The following OSBP2 variants were observed in gnomAD, a reference collection of about 807,000 sequenced individuals.
The protein encoded by OSBP2 is oxysterol binding protein 2.
Under a neutral mutation model 96.0 loss-of-function variants are expected in OSBP2, and 66 were observed. The observed-to-expected ratio is 0.69, with a 90% CI of 0.56 to 0.84. OSBP2 has a LOEUF of 0.84. Ranked by LOEUF, OSBP2 falls within the 40% of genes least tolerant of loss-of-function variation. The pLI is 0.00. For synonymous variants in OSBP2, 525 were observed against 520.9 expected (o/e 1.01, Z -0.11); for missense variants, 1,038 against 1,222.7 (o/e 0.85, Z 2.25).
intron 2 of OSBP2, among the ~76,000 whole-genome samples, chr22:30,808,483 G>C (rs1419089528): frequency 6.6e-6 from 1 of 152,166 alleles, no homozygotes; most frequent in Non-Finnish European, 1.5e-5. Flanking sequence ...TTCTGGCCTG[G>C]GTGATAGAGT....
chr22:30,769,842 T>TAC (rs2090324838), intron 2 of OSBP2, among the ~76,000 whole-genome samples: 1 of 152,076 alleles, frequency 6.6e-6, no homozygotes, highest in South Asian at 2.1e-4. Context: ...ACACTGGATA[T>TAC]ACCTCCATAG....
chr22:30,830,876 A>G (rs1372901775), intron 2 of OSBP2, among the ~76,000 whole-genome samples: 2 of 110,278 alleles, frequency 1.8e-5, no homozygotes, highest in Admixed American at 8.9e-5. Context: ...TTTTAATATC[A>G]TTGAGATCCA....
chr22:30,826,912 T>G (rs984470838), intron 2 of OSBP2, among the ~76,000 whole-genome samples: 1 of 152,144 alleles, frequency 6.6e-6, no homozygotes, highest in Non-Finnish European at 1.5e-5. Context: ...TCCATTCTGG[T>G]CCCACTGTGG....
intron 2 of OSBP2, among the ~76,000 whole-genome samples, chr22:30,841,817 G>T (rs1265236077): frequency 1.3e-5 from 2 of 152,190 alleles, no homozygotes; most frequent in African/African-American, 4.8e-5. Flanking sequence ...AGGCAACATA[G>T]TGAGAACTTG....
At chr22:30,821,775 A>G (rs1190052505) in intron 2 of OSBP2, among the ~76,000 whole-genome samples, 1 of 152,260 alleles carries the variant, frequency 6.6e-6, no homozygotes, top group Non-Finnish European at 1.5e-5. Flanking sequence ...GGGGAAAACT[A>G]GGATTCTTTA....
At position 30,871,483 on chromosome 22, in the gene OSBP2, A is replaced by AG. The variant is rs1487546691; in HGVS notation, c.1107+805dup. Among the ~76,000 whole-genome samples, 1 of 152,194 alleles carries AG rather than the reference A, an allele frequency of 6.6e-6. No individual in the cohort carries two copies. The highest frequency in any genetic ancestry group is 1.5e-5 in the Non-Finnish European group (1 of 68,028). On this transcript the variant is annotated intron_variant, in intron 3 of 13. Coordinates refer to ENST00000332585, the MANE Select transcript of OSBP2 (RefSeq NM_030758.4). This position sits in a 1 kb window ranked among gnomAD's most constrained non-coding sequence, Gnocchi z 4.7. Reference sequence around the variant, plus strand: ...TCCCCCAGGGCGGCACATCTGGGCCAGGGGTGCAGTTGTAGGAGCTTGGGG... The same window carrying AG: ...TCCCCCAGGGCGGCACATCTGGGCCAGGGGGTGCAGTTGTAGGAGCTTGGGG...
rs779370189 is a variant in OSBP2, at chr22:30,906,189, C to T, written c.2609-8C>T. ...CCCACCCACCAGCCCACTGTGCCTG[C>T]CCAGCAGAGAAGGAGGCGGATGCCT... On this transcript the variant is annotated splice_region_variant and splice_polypyrimidine_tract_variant and intron_variant, in intron 13 of 13. Transcript: ENST00000332585. 19 of 1,613,776 alleles carry T rather than the reference C, an allele frequency of 1.2e-5. No individual in the cohort carries two copies. Among genetic ancestry groups the T allele is most frequent in the Non-Finnish European group, 1.4e-5 (17 of 1,180,010 alleles).
At chr22:30,786,026 G>T (rs2090584481) in intron 2 of OSBP2, among the ~76,000 whole-genome samples, 2 of 151,956 alleles carry the variant, frequency 1.3e-5, no homozygotes. Context: ...GTTTGTGTGT[G>T]TGTGTGTGTG....
intron 1 of OSBP2, among the ~76,000 whole-genome samples, chr22:30,714,228 A>G (rs992214675): frequency 2.6e-5 from 4 of 152,224 alleles, no homozygotes; most frequent in African/African-American, 9.6e-5. Context: ...TGTTGTGCAC[A>G]TACAAGATTT....
At chr22:30,872,731 C>T (rs1030839574) in intron 3 of OSBP2, among the ~76,000 whole-genome samples, 3 of 152,238 alleles carry the variant, frequency 2.0e-5, no homozygotes. Context: ...GCTGCCCCGA[C>T]AGACTGTGCT....
At chr22:30,880,843 T>C (rs921989107) in intron 3 of OSBP2, among the ~76,000 whole-genome samples, 1 of 152,180 alleles carries the variant, frequency 6.6e-6, no homozygotes, top group Non-Finnish European at 1.5e-5. Context: ...GTCTGTCCCA[T>C]GGGGCACCGG....
chr22:30,845,787 C>T (rs2038856293), intron 2 of OSBP2, among the ~76,000 whole-genome samples: 1 of 144,544 alleles, frequency 6.9e-6, no homozygotes, highest in Admixed American at 7.2e-5. Flanking sequence ...GAGGCTGAGG[C>T]AGAAGAATTG....
chr22:30,830,859 A>G lies in OSBP2; in HGVS notation c.854-39570A>G, dbSNP rs1397825226. ...TTGGTCAATGTTTTTCCTTTATACA[A>G]ACATCCTTTTAATATCATTGAGATC... On this transcript the variant is annotated intron_variant, in intron 2 of 13. Transcript: ENST00000332585. Among the ~76,000 whole-genome samples, 12 of 149,696 alleles carry G rather than the reference A, an allele frequency of 8.0e-5. No homozygotes were observed. The Admixed American group carries it at 8.0e-4, about 10-fold the overall frequency.
intron 2 of OSBP2, among the ~76,000 whole-genome samples, chr22:30,803,551 T>A (rs1475872365): frequency 2.0e-5 from 3 of 152,182 alleles, no homozygotes; most frequent in Admixed American, 6.5e-5. Context: ...CCGAGCAACC[T>A]AGCCACTGGA....
At chr22:30,862,977 GAAAAA>G (rs953540111) in intron 2 of OSBP2, among the ~76,000 whole-genome samples, 4 of 138,906 alleles carry the variant, frequency 2.9e-5, no homozygotes, top group South Asian at 4.6e-4. Flanking sequence ...AAAAAAAAAA[GAAAAA>G]AAGAAAAAAT....
intron 12 of OSBP2, among the ~76,000 whole-genome samples, chr22:30,900,815 T>C (rs564138766): frequency 5.9e-5 from 9 of 152,330 alleles, no homozygotes; most frequent in African/African-American, 2.2e-4. Context: ...ACTTAATAAG[T>C]TGAAAAGGAT....
Position 30,860,564 on chromosome 22 carries a change from GTCTGTCCT to G in OSBP2, c.854-9862_854-9855del, listed in dbSNP as rs1181907283. On this transcript the variant is annotated intron_variant, in intron 2 of 13. Coordinates refer to ENST00000332585, the MANE Select transcript of OSBP2 (RefSeq NM_030758.4). ...GATTCCTGGGCCCAGCTGGCATGGG[GTCTGTCCT>G]TCATGCATCTGCCAGGCTGGGCTCA... Among the ~76,000 whole-genome samples, 15 of 152,398 alleles carry G rather than the reference GTCTGTCCT, an allele frequency of 9.8e-5. No homozygotes were observed. In the South Asian group the frequency reaches 3.1e-3, roughly 32 times the overall value.
At chr22:30,739,045 C>T (rs1488998149) in intron 1 of OSBP2, among the ~76,000 whole-genome samples, 2 of 152,130 alleles carry the variant, frequency 1.3e-5, no homozygotes, top group Non-Finnish European at 2.9e-5. Context: ...TTTCTAACAC[C>T]CTTCATGGGA....
chr22:30,906,125 G>A (rs1407433639), intron 13 of OSBP2, 56 bp downstream of exon 13: 1 of 1,608,410 alleles, frequency 6.2e-7, no homozygotes, highest in Middle Eastern at 2.0e-4. Flanking sequence ...CCCGGGTGGG[G>A]GTGCCGCAGG....
Sources: allele counts gnomAD v4.1 joint callset (sites outside exome capture counted in the v4.1 genomes callset), GRCh38; gene constraint gnomAD v4.1.1; non-coding constraint Gnocchi (gnomAD v3.1); transcripts MANE v1.5; gene names NCBI Gene and HGNC (gene_info 2026-07-23, HGNC 2026-07-21).